RBFOX1: variants seen among roughly 807,000 people sequenced by gnomAD.
The protein encoded by RBFOX1 is RNA binding fox-1 homolog 1, also known as RNA binding protein fox-1 homolog 1.
Under a neutral mutation model 57.7 loss-of-function variants are expected in RBFOX1, and 8 were observed. The observed-to-expected ratio is 0.14, with a 90% confidence interval of 0.08 to 0.25. The LOEUF (loss-of-function observed/expected upper bound fraction) is 0.25, where lower values mean the gene tolerates loss of function less well. Among genes scored for constraint, RBFOX1 ranks in the 10% least tolerant of loss-of-function variants. RBFOX1 has a pLI of 1.00. For missense variants in RBFOX1, 611 were observed against 548.5 expected (o/e 1.11, Z -1.14); for synonymous variants, 326 against 222.4 (o/e 1.47, Z -4.15).
At chr16:7,300,153 C>G (rs1212798164) in intron 4 of RBFOX1, among the ~76,000 whole-genome samples, 1 of 152,174 alleles carries the variant, frequency 6.6e-6, no homozygotes, top group Non-Finnish European at 1.5e-5. Flanking sequence ...ATGCTTCCCA[C>G]AGCACTCACC....
chr16:7,304,369 G>C, intron 4 of RBFOX1: 1 of 985,378 alleles, frequency 1.0e-6, no homozygotes. Flanking sequence ...CGGGCTCGGC[G>C]GGCGCCAGAG....
chr16:7,130,543 A>T (rs750100223), intron 4 of RBFOX1, among the ~76,000 whole-genome samples: 3 of 152,190 alleles, frequency 2.0e-5, no homozygotes, highest in Non-Finnish European at 4.4e-5. Context: ...CTGCAAGTAT[A>T]TTCTGAATGA....
chr16:7,256,792 G>A (rs916639716), intron 4 of RBFOX1, among the ~76,000 whole-genome samples: 2 of 152,220 alleles, frequency 1.3e-5, no homozygotes, highest in East Asian at 3.9e-4. Context: ...TTCGAATCTT[G>A]GACCAGTCAC....
chr16:7,021,078 A>G (rs1292787756), intron 3 of RBFOX1, among the ~76,000 whole-genome samples: 1 of 152,210 alleles, frequency 6.6e-6, no homozygotes, highest in Non-Finnish European at 1.5e-5. Flanking sequence ...CAGTGAGCCC[A>G]GGTCGTGCTA....
At chr16:7,423,674 C>A (rs2098570731) in intron 4 of RBFOX1, among the ~76,000 whole-genome samples, 1 of 152,142 alleles carries the variant, frequency 6.6e-6, no homozygotes, top group Non-Finnish European at 1.5e-5. Context: ...TGGGGACCTT[C>A]TGGGTTCTGA....
At chr16:7,312,440 T>A (rs944228649) in intron 4 of RBFOX1, among the ~76,000 whole-genome samples, 17 of 152,234 alleles carry the variant, frequency 1.1e-4, no homozygotes, top group Non-Finnish European at 2.5e-4. Flanking sequence ...AACGTAGGAT[T>A]TGTTTATTGA....
chr16:7,518,233 C>A lies in RBFOX1; in HGVS notation c.114C>A (p.Pro38=), dbSNP rs376877653. The A allele has an allele frequency of 3.1e-6, 5 of 1,614,132 alleles. No homozygotes were observed. The Admixed American group carries it at 5.0e-5, about 16-fold the overall frequency. The change falls in exon 5 of 16, where the codon CCC becomes CCA. Residue 38 remains proline (P), a synonymous_variant. Coordinates refer to ENST00000550418, the MANE Select transcript of RBFOX1 (RefSeq NM_018723.4). The part of the protein sequence containing the change: ...AQFAPPQNGI[P]AEYTAPHPHP... ...TTGCTCCCCCGCAGAACGGTATCCC[C>A]GCGGAATACACGGCCCCTCATCCCC...
intron 3 of RBFOX1, among the ~76,000 whole-genome samples, chr16:5,754,725 C>G (rs1305372097): frequency 7.4e-5 from 3 of 40,410 alleles, no homozygotes; most frequent in African/African-American, 1.1e-4. Context: ...ATAAACATCT[C>G]AATGCTTTAC....
At chr16:5,382,864 T>C (rs1424197557) in intron 1 of RBFOX1, among the ~76,000 whole-genome samples, 2 of 152,242 alleles carry the variant, frequency 1.3e-5, no homozygotes, top group Non-Finnish European at 2.9e-5. Flanking sequence ...GCCCATTTTA[T>C]GGGTAGGAAA....
intron 2 of RBFOX1, among the ~76,000 whole-genome samples, chr16:5,564,700 A>T (rs545310584): frequency 6.6e-6 from 1 of 152,156 alleles, no homozygotes; most frequent in Admixed American, 6.5e-5. Flanking sequence ...GCAAGCATCC[A>T]GGCATTTATT....
At chr16:7,189,554 A>ACAC (rs1567633599) in intron 4 of RBFOX1, among the ~76,000 whole-genome samples, 6,384 of 135,748 alleles carry the variant, frequency 0.047, 282 homozygotes, top group East Asian at 0.12. Context: ...TGTCCCCCAA[A>ACAC]ACACACACAC....
intron 4 of RBFOX1, among the ~76,000 whole-genome samples, chr16:7,142,105 C>T (rs2073947994): frequency 6.6e-6 from 1 of 152,060 alleles, no homozygotes; most frequent in Non-Finnish European, 1.5e-5. Context: ...CTCAGTGCAG[C>T]ATCAACCTCC....
intron 4 of RBFOX1, among the ~76,000 whole-genome samples, chr16:7,395,469 G>A (rs750262385): frequency 1.3e-5 from 2 of 152,214 alleles, no homozygotes; most frequent in African/African-American, 4.8e-5. Context: ...GATTTTATCT[G>A]CAGTAAGAAC....
chr16:5,636,175 C>G (rs1047000366), intron 3 of RBFOX1, among the ~76,000 whole-genome samples: 2 of 152,068 alleles, frequency 1.3e-5, no homozygotes, highest in African/African-American at 4.8e-5. Context: ...TGGTGAAACC[C>G]CATCTCTACT....
chr16:6,536,185 T>C (rs570369500), intron 2 of RBFOX1, among the ~76,000 whole-genome samples: 1 of 152,228 alleles, frequency 6.6e-6, no homozygotes, highest in Non-Finnish European at 1.5e-5. Context: ...CTACCTCTTG[T>C]ATAAATGCAA....
intron 4 of RBFOX1, among the ~76,000 whole-genome samples, chr16:7,258,758 A>G (rs1236623564): frequency 1.3e-5 from 2 of 152,166 alleles, no homozygotes; most frequent in South Asian, 2.1e-4. Flanking sequence ...CAACTTTATT[A>G]GTTGCTGCAA....
chr16:5,266,589 C>G (rs1190454450), intron 1 of RBFOX1, among the ~76,000 whole-genome samples: 1 of 144,708 alleles, frequency 6.9e-6, no homozygotes, highest in Non-Finnish European at 1.5e-5. Context: ...TCTCTGTCAC[C>G]CAGGCTGGAG....
At chr16:7,238,241 GA>G (rs1297048384) in intron 4 of RBFOX1, among the ~76,000 whole-genome samples, 1 of 152,060 alleles carries the variant, frequency 6.6e-6, no homozygotes, top group East Asian at 1.9e-4. Flanking sequence ...TTTGCAAGAT[GA>G]AAAGAGTTCT....
chr16:7,708,783 G>A (rs181529909), intron 14 of RBFOX1, among the ~76,000 whole-genome samples: 244 of 151,730 alleles, frequency 1.6e-3, no homozygotes, highest in Admixed American at 5.9e-3. Context: ...TGTAGAAACA[G>A]TATTATGGGG....
Sources: allele counts gnomAD v4.1 joint callset (sites outside exome capture counted in the v4.1 genomes callset), GRCh38; gene constraint gnomAD v4.1.1; transcripts MANE v1.5; gene names NCBI Gene and HGNC (gene_info 2026-07-23, HGNC 2026-07-21).